Variants in HDAC4 observed in about 807,000 individuals in gnomAD.
The protein encoded by HDAC4 is histone deacetylase A.
A neutral mutation model predicts 135.1 loss-of-function variants in HDAC4; 16 were observed. That is an observed-to-expected ratio of 0.12 (90% CI 0.08 to 0.18). The LOEUF (loss-of-function observed/expected upper bound fraction) is 0.18. HDAC4 is among the 10% of genes least tolerant of loss of function. The pLI, the probability that HDAC4 is intolerant of heterozygous loss-of-function variation, is 1.00. For synonymous variants in HDAC4, 685 were observed against 653.4 expected (o/e 1.05, Z -0.74); for missense variants, 1,143 against 1,511.8 (o/e 0.76, Z 4.05).
intron 3 of HDAC4, among the ~76,000 whole-genome samples, chr2:239,200,228 C>G (rs1402299196): frequency 6.6e-6 from 1 of 152,190 alleles, no homozygotes; most frequent in African/African-American, 2.4e-5. Context: ...CTCCTCAGAG[C>G]TATGGAGAGC....
At chr2:239,387,791 T>C (rs1695925565) in intron 1 of HDAC4, among the ~76,000 whole-genome samples, 2 of 151,868 alleles carry the variant, frequency 1.3e-5, no homozygotes, top group Non-Finnish European at 2.9e-5. Context: ...TCCTCCTCAC[T>C]CTACTTTCCA....
chr2:239,069,907 C>T (rs956699132), intron 22 of HDAC4, among the ~76,000 whole-genome samples: 6 of 152,226 alleles, frequency 3.9e-5, no homozygotes, highest in Admixed American at 2.0e-4. Context: ...CCCCATGGGA[C>T]AAGCTGCATT....
At chr2:239,093,665 G>T (rs929195902) in intron 17 of HDAC4, among the ~76,000 whole-genome samples, 1 of 152,210 alleles carries the variant, frequency 6.6e-6, no homozygotes, top group African/African-American at 2.4e-5. Context: ...ATCAGCATCT[G>T]CACACCCAGA....
intron 17 of HDAC4, among the ~76,000 whole-genome samples, chr2:239,092,788 G>C (rs2036636985): frequency 6.6e-6 from 1 of 152,228 alleles, no homozygotes; most frequent in South Asian, 2.1e-4. Flanking sequence ...GCCTGGCTCA[G>C]GGCAGGCGGC....
At chr2:239,250,615 T>C (rs2048732069) in intron 2 of HDAC4, among the ~76,000 whole-genome samples, 1 of 152,166 alleles carries the variant, frequency 6.6e-6, no homozygotes, top group South Asian at 2.1e-4. Flanking sequence ...CTGCTATGGG[T>C]TCAGCGTGCA....
At chr2:239,143,609 C>A (rs1240728638) in intron 8 of HDAC4, among the ~76,000 whole-genome samples, 1 of 152,230 alleles carries the variant, frequency 6.6e-6, no homozygotes, top group Non-Finnish European at 1.5e-5. Flanking sequence ...GTTAGGAACT[C>A]CTCAAGTAGA....
intron 2 of HDAC4, among the ~76,000 whole-genome samples, chr2:239,281,637 A>G (rs959672835): frequency 5.3e-5 from 8 of 150,282 alleles, no homozygotes; most frequent in Middle Eastern, 3.6e-3. Context: ...CCACTCTACA[A>G]TGTACACACC....
At chr2:239,143,520 G>A (rs907620881) in intron 8 of HDAC4, among the ~76,000 whole-genome samples, 4 of 152,186 alleles carry the variant, frequency 2.6e-5, no homozygotes, top group Non-Finnish European at 4.4e-5. Flanking sequence ...GACACATATG[G>A]AGTTCCCCTG....
intron 3 of HDAC4, among the ~76,000 whole-genome samples, chr2:239,208,306 G>A (rs2046167222): frequency 8.1e-6 from 1 of 123,870 alleles, no homozygotes; most frequent in Non-Finnish European, 1.6e-5. Flanking sequence ...CAGCCTGGGG[G>A]ACAGAGCGAG....
In HDAC4 at chr2:239,303,779, C is replaced by T. The variant is rs150267499; in HGVS notation, c.22+48899G>A. 2.0e-5 allele frequency among the ~76,000 whole-genome samples: 3 copies of T among 152,202 alleles called. No homozygotes were observed. The highest frequency in any genetic ancestry group is 3.9e-4 in the East Asian group (2 of 5,190). ...TCAAAAGCGACTGCGACAGCTGCAT[C>T]CCCCGTGCTCAACTGCAGGGCGCGG... On this transcript the variant is annotated intron_variant, in intron 2 of 26. Coordinates refer to ENST00000543185, the MANE Select transcript of HDAC4 (RefSeq NM_001378414.1). The surrounding 1 kb of genome is among the most constrained non-coding windows in gnomAD (Gnocchi z 5.1).
Position 239,052,726 on chromosome 2 carries a change from T to G in HDAC4, c.*371A>C. ...TTGTTTTGTATTATTAGATCTTTGA[T>G]ATTTGTTTTCTGTGCCTCGTGTCAA... On this transcript the variant is annotated 3_prime_UTR_variant, in exon 27 of 27. Coordinates refer to ENST00000543185, the MANE Select transcript of HDAC4 (RefSeq NM_001378414.1). The G allele has an allele frequency of 6.4e-6, 2 of 310,816 alleles. No individual in the cohort carries two copies. The highest frequency in any genetic ancestry group is 1.2e-5 in the Non-Finnish European group (2 of 163,038). 19.3% of individuals were successfully genotyped at this position (310,816 alleles called of 1,614,324 possible).
chr2:239,075,103 A>T (rs1167147827), intron 22 of HDAC4, among the ~76,000 whole-genome samples: 1 of 151,802 alleles, frequency 6.6e-6, no homozygotes, highest in Non-Finnish European at 1.5e-5. Context: ...GGGTGCCTGT[A>T]GTCCCAGCTA....
At chr2:239,135,635 G>C (rs1347164038) in intron 9 of HDAC4, among the ~76,000 whole-genome samples, 1 of 152,208 alleles carries the variant, frequency 6.6e-6, no homozygotes, top group African/African-American at 2.4e-5. Flanking sequence ...TCTAACCTTT[G>C]ATGCTGGAGC....
chr2:239,082,147 G>A lies in HDAC4; in HGVS notation c.2607C>T (p.Arg869=). The change falls in exon 21 of 27, where the codon CGC becomes CGT. Residue 869 remains arginine (R), a synonymous_variant. Transcript: ENST00000543185. ...DPSVLYMSLH[R]YDDGNFFPGS... Reference sequence around the variant, plus strand: ...CTGGGAAGAAGTTCCCATCGTCGTAGCGGTGGAGGGACATGTACAGGACGC... The same window carrying A: ...CTGGGAAGAAGTTCCCATCGTCGTAACGGTGGAGGGACATGTACAGGACGC... The A allele has an allele frequency of 1.2e-6, 2 of 1,614,174 alleles. No homozygotes were observed. Among genetic ancestry groups the A allele is most frequent in the South Asian group, 1.1e-5 (1 of 91,086 alleles).
At chr2:239,254,541 G>C (rs962641594) in intron 2 of HDAC4, among the ~76,000 whole-genome samples, 1 of 152,006 alleles carries the variant, frequency 6.6e-6, no homozygotes, top group African/African-American at 2.4e-5. Context: ...GAACAGATTA[G>C]ATCTAGTTAA....
At chr2:239,374,216 A>AT (rs1408261763) in intron 1 of HDAC4, among the ~76,000 whole-genome samples, 1 of 152,156 alleles carries the variant, frequency 6.6e-6, no homozygotes, top group African/African-American at 2.4e-5. Flanking sequence ...GGGAGATCAC[A>AT]TTGAGTAAAT....
chr2:239,194,015 G>A (rs1439648476), intron 3 of HDAC4, among the ~76,000 whole-genome samples: 1 of 152,208 alleles, frequency 6.6e-6, no homozygotes, highest in Non-Finnish European at 1.5e-5. Context: ...GCCCGGGGTG[G>A]TCAATGCTGA....
intron 20 of HDAC4, among the ~76,000 whole-genome samples, chr2:239,082,896 G>A (rs923934193): frequency 2.6e-5 from 4 of 152,258 alleles, no homozygotes; most frequent in African/African-American, 9.6e-5. Flanking sequence ...ACCAGGATGG[G>A]CGGGCGAGGG....
chr2:239,383,196 G>A (rs1055850745), intron 1 of HDAC4, among the ~76,000 whole-genome samples: 1 of 152,092 alleles, frequency 6.6e-6, no homozygotes, highest in African/African-American at 2.4e-5. Flanking sequence ...CTTGTTTCCC[G>A]TGGCCACCCC....
Sources: gnomAD v4.1 joint callset for allele counts (sites outside exome capture counted in the v4.1 genomes callset) on GRCh38, gnomAD v4.1.1 for gene constraint, Gnocchi (gnomAD v3.1) non-coding constraint, MANE v1.5 for transcripts, NCBI Gene and HGNC (gene_info 2026-07-23, HGNC 2026-07-21) for gene names.